The following CASK variants were observed in gnomAD, a reference collection of about 807,000 sequenced individuals.
CASK encodes calcium/calmodulin dependent serine protein kinase, also known as peripheral plasma membrane protein CASK.
CASK carries 4 observed loss-of-function variants against 82.9 expected under a neutral mutation model. That is an observed-to-expected ratio of 0.05 (90% CI 0.02 to 0.11). The LOEUF is 0.11. Among genes scored for constraint, CASK ranks in the 10% least tolerant of loss-of-function variants. The pLI is 1.00. For missense variants in CASK, 358 were observed against 720.9 expected (o/e 0.50, Z 5.76); for synonymous variants, 259 against 253.5 (o/e 1.02, Z -0.20).
chrX:41,540,542 C>A (rs2064934196), intron 22 of CASK, among the ~76,000 whole-genome samples: 1 of 112,364 alleles, frequency 8.9e-6, no homozygotes, highest in Non-Finnish European at 1.9e-5. Flanking sequence ...TAACCTAATT[C>A]CCTCATTTCA....
intron 5 of CASK, among the ~76,000 whole-genome samples, chrX:41,672,613 C>T (rs2067211621): frequency 1.8e-5 from 2 of 112,007 alleles, no homozygotes; most frequent in Admixed American, 1.9e-4. Context: ...TGAGCTGGTA[C>T]ACCTGTGTTT....
intron 5 of CASK, among the ~76,000 whole-genome samples, chrX:41,723,344 A>G (rs1439109200): frequency 8.9e-6 from 1 of 112,136 alleles, no homozygotes; most frequent in East Asian, 2.8e-4. Flanking sequence ...CCAGATGTAC[A>G]CACTTAGCTT....
intron 2 of CASK, among the ~76,000 whole-genome samples, chrX:41,812,998 C>A (rs1005590089): frequency 4.5e-5 from 5 of 111,415 alleles, no homozygotes; most frequent in African/African-American, 1.3e-4. Flanking sequence ...ACAATTACTT[C>A]AAAGAGAATA....
intron 22 of CASK, among the ~76,000 whole-genome samples, chrX:41,537,872 C>T (rs989779397): frequency 1.9e-5 from 2 of 104,193 alleles, no homozygotes; most frequent in African/African-American, 3.4e-5. Context: ...GACAGGGTCT[C>T]GCTCCTTCAC....
At chrX:41,653,451 A>G (rs931651853) in intron 8 of CASK, among the ~76,000 whole-genome samples, 18 of 112,089 alleles carry the variant, frequency 1.6e-4, no homozygotes, top group African/African-American at 4.9e-4. Context: ...AAGATGAAAT[A>G]TTCACTCCCT....
intron 2 of CASK, among the ~76,000 whole-genome samples, chrX:41,817,654 G>A (rs12008443): frequency 0.17 from 18,812 of 110,258 alleles, 1,440 homozygotes; most frequent in Middle Eastern, 0.3. Context: ...TGAATTTTTG[G>A]ACTAGAGAGC....
At position 41,772,345 on chromosome X, in the gene CASK, C is replaced by CAA. The variant is rs761427437; in HGVS notation, c.278+14831_278+14832dup. On this transcript the variant is annotated intron_variant, in intron 3 of 26. Coordinates refer to ENST00000378163, the MANE Select transcript of CASK (RefSeq NM_001367721.1). The stretch of plus-strand genomic sequence containing the variant: ...TGGGCAACAGAGTGAGACTCTGTCT[C>CAA]AAAAAAAAAAAAAAAAAAAAAAAAA... 1.7e-3 allele frequency among the ~76,000 whole-genome samples: 45 copies of CAA among 26,358 alleles called. 1 individual carries two copies. The highest frequency in any genetic ancestry group is 6.3e-3 in the African/African-American group (35 of 5,600). 22.9% of individuals were successfully genotyped at this position (26,358 alleles called of 115,157 possible). A position where few individuals can be genotyped will look rare whatever the true frequency, so the allele number is the denominator to read the frequency against.
At chrX:41,529,911 C>G (rs1400354934) in intron 25 of CASK, among the ~76,000 whole-genome samples, 2 of 111,386 alleles carry the variant, frequency 1.8e-5, no homozygotes, top group East Asian at 2.8e-4. Flanking sequence ...GCTGTCAGGT[C>G]CCAGGTCACA....
intron 22 of CASK, 42 bp from the exon 23 acceptor site, chrX:41,535,015 G>A (rs190596529): frequency 1.2e-6 from 1 of 837,918 alleles, no homozygotes; most frequent in African/African-American, 2.0e-5. Flanking sequence ...TTTGTAGAAT[G>A]ACTATTTCAT....
intron 21 of CASK, among the ~76,000 whole-genome samples, chrX:41,548,167 A>T (rs1219398153): frequency 9.0e-6 from 1 of 111,576 alleles, no homozygotes; most frequent in East Asian, 2.8e-4. Context: ...TTCTGCATCT[A>T]TTGATATGAC....
chrX:41,586,860 T>C (rs1337714728), intron 14 of CASK, 47 bp downstream of exon 14: 1 of 839,315 alleles, frequency 1.2e-6, no homozygotes, highest in Non-Finnish European at 1.8e-6. Flanking sequence ...TAAAAACTTC[T>C]TTTGAAAGTG....
At chrX:41,634,257 C>A (rs1029116451) in intron 9 of CASK, among the ~76,000 whole-genome samples, 2 of 112,254 alleles carry the variant, frequency 1.8e-5, no homozygotes, top group Admixed American at 9.5e-5. Context: ...TTCTAGAAGT[C>A]CACTGAAGAG....
intron 25 of CASK, chrX:41,529,418 G>A (rs919513573): frequency 2.8e-5 from 5 of 176,070 alleles, no homozygotes; most frequent in Non-Finnish European, 5.4e-5. Context: ...TGGCGGTGGC[G>A]GCGGCAGCAG....
chrX:41,899,151 C>T lies in CASK; in HGVS notation c.59+23779G>A, dbSNP rs748093939. On this transcript the variant is annotated intron_variant, in intron 1 of 26. Transcript: ENST00000378163. Reference sequence around the variant, plus strand: ...TTGTATCGTCTGGATGAATTGACCCCTTATCATTATAAAATTATCCTTTTT... The same window carrying T: ...TTGTATCGTCTGGATGAATTGACCCTTTATCATTATAAAATTATCCTTTTT... Among the ~76,000 whole-genome samples the T allele has an allele frequency of 3.4e-4, 38 of 111,506 alleles. 2 individuals carry two copies. In the South Asian group the frequency reaches 0.01, roughly 30 times the overall value.
At chrX:41,732,447 G>A (rs1001774457) in intron 5 of CASK, among the ~76,000 whole-genome samples, 6 of 111,181 alleles carry the variant, frequency 5.4e-5, no homozygotes, top group Non-Finnish European at 1.1e-4. Context: ...TGGGAGTTAC[G>A]GGCAAATCTG....
chrX:41,761,100 C>T (rs978260619), intron 3 of CASK, among the ~76,000 whole-genome samples: 11 of 111,914 alleles, frequency 9.8e-5, no homozygotes, highest in African/African-American at 3.6e-4. Context: ...TCCTCAAAAC[C>T]TTCTCTTCAT....
chrX:41,739,664 G>A (rs757536585), intron 4 of CASK, among the ~76,000 whole-genome samples: 1 of 112,192 alleles, frequency 8.9e-6, no homozygotes, highest in South Asian at 3.7e-4. Context: ...GAAATAGTAT[G>A]CTCTATATTT....
Position 41,515,201 on chromosome X carries a change from T to C in CASK, c.*5219A>G, listed in dbSNP as rs1373962840. 8.9e-6 allele frequency: 1 copy of C among 112,014 alleles called. No homozygotes were observed. The highest frequency in any genetic ancestry group is 1.9e-5 in the Non-Finnish European group (1 of 53,214). The allele number at this position is 112,014 out of a possible 1,213,427, so 9.2% of individuals were successfully genotyped here. ...GAGGGCGTGTGCTAAGGCATGTAAATAGATACACACAGAGAGAAAGAAAAG... is the reference window on the plus strand; with the variant it reads ...GAGGGCGTGTGCTAAGGCATGTAAACAGATACACACAGAGAGAAAGAAAAG... On this transcript the variant is annotated 3_prime_UTR_variant, in exon 27 of 27. Coordinates refer to ENST00000378163, the MANE Select transcript of CASK (RefSeq NM_001367721.1).
intron 11 of CASK, among the ~76,000 whole-genome samples, chrX:41,612,684 C>T (rs1351616671): frequency 1.0e-5 from 1 of 95,251 alleles, no homozygotes; most frequent in Non-Finnish European, 2.1e-5. Context: ...CGGCCAGCCG[C>T]CCCGTCCGGG....
Sources: gnomAD v4.1 joint callset for allele counts (sites outside exome capture counted in the v4.1 genomes callset) on GRCh38, gnomAD v4.1.1 for gene constraint, MANE v1.5 for transcripts, NCBI Gene and HGNC (gene_info 2026-07-23, HGNC 2026-07-21) for gene names.